SLC30A8: variants seen among roughly 807,000 people sequenced by gnomAD.
SLC30A8 encodes proton-coupled zinc antiporter SLC30A8.
A neutral mutation model predicts 36.9 loss-of-function variants in SLC30A8; 27 were observed. That is an observed-to-expected ratio of 0.73 (90% CI 0.54 to 1.01). The LOEUF (loss-of-function observed/expected upper bound fraction) is 1.01, where lower values mean the gene tolerates loss of function less well. SLC30A8 is among the 50% of genes least tolerant of loss of function. The probability of loss-of-function intolerance (pLI) is 0.00; values close to 1 mark genes in which losing one functional copy is unlikely to be tolerated. For missense variants in SLC30A8, 439 were observed against 452.0 expected (o/e 0.97, Z 0.26); for synonymous variants, 164 against 172.4 (o/e 0.95, Z 0.38).
chr8:116,958,816 C>T (rs72685356), intron 1 of SLC30A8, among the ~76,000 whole-genome samples: 9,878 of 145,802 alleles, frequency 0.068, 653 homozygotes, highest in African/African-American at 0.18. Context: ...TTGAAGTTGT[C>T]CTATAGCCCA....
At chr8:117,043,504 CT>C (rs1398413372) in intron 2 of SLC30A8, among the ~76,000 whole-genome samples, 1 of 152,160 alleles carries the variant, frequency 6.6e-6, no homozygotes, top group Non-Finnish European at 1.5e-5. Context: ...AGAGATACTC[CT>C]GGTTGGGGAG....
At chr8:117,109,121 C>T (rs938439113) in intron 2 of SLC30A8, among the ~76,000 whole-genome samples, 5 of 152,108 alleles carry the variant, frequency 3.3e-5, no homozygotes, top group Admixed American at 6.6e-5. Context: ...ATCATATACC[C>T]GTAACTGGAC....
chr8:117,110,863 C>T (rs777246565), intron 2 of SLC30A8, among the ~76,000 whole-genome samples: 10 of 152,142 alleles, frequency 6.6e-5, no homozygotes, highest in Non-Finnish European at 1.5e-4. Context: ...AAGCCATCCT[C>T]TTTCTTGCTT....
chr8:116,994,446 A>G (rs1030031548), intron 1 of SLC30A8, among the ~76,000 whole-genome samples: 1 of 152,106 alleles, frequency 6.6e-6, no homozygotes, highest in Non-Finnish European at 1.5e-5. Context: ...ACTTGATAGA[A>G]TACCATACAG....
intron 1 of SLC30A8, among the ~76,000 whole-genome samples, chr8:116,982,692 A>T (rs1815313023): frequency 6.6e-6 from 1 of 152,162 alleles, no homozygotes; most frequent in African/African-American, 2.4e-5. Context: ...ATTGAACCAG[A>T]TTACATTGTT....
intron 6 of SLC30A8, among the ~76,000 whole-genome samples, chr8:117,164,625 A>C (rs1188253741): frequency 6.6e-6 from 1 of 152,134 alleles, no homozygotes; most frequent in Admixed American, 6.6e-5. Context: ...ATAATACTTT[A>C]ATAAGAGGAG....
intron 2 of SLC30A8, among the ~76,000 whole-genome samples, chr8:117,058,607 T>C (rs1817940305): frequency 6.6e-6 from 1 of 152,206 alleles, no homozygotes; most frequent in South Asian, 2.1e-4. Context: ...ATTCAGACCA[T>C]GATAACACCA....
chr8:116,979,874 T>C (rs1211380727), intron 1 of SLC30A8, among the ~76,000 whole-genome samples: 4 of 151,994 alleles, frequency 2.6e-5, no homozygotes, highest in African/African-American at 9.7e-5. Context: ...GCAGCAGAAA[T>C]AAAATGAGAA....
intron 2 of SLC30A8, among the ~76,000 whole-genome samples, chr8:117,112,786 G>T (rs955255500): frequency 6.6e-6 from 1 of 152,142 alleles, no homozygotes; most frequent in South Asian, 2.1e-4. Context: ...GAATGCTGGG[G>T]TGTATCCCAA....
chr8:117,091,095 G>A (rs1216244417), intron 2 of SLC30A8, among the ~76,000 whole-genome samples: 1 of 151,798 alleles, frequency 6.6e-6, no homozygotes, highest in Non-Finnish European at 1.5e-5. Flanking sequence ...ACTTAGATTG[G>A]CAGAGCCACT....
intron 3 of SLC30A8, among the ~76,000 whole-genome samples, chr8:117,154,898 A>G (rs997894273): frequency 6.6e-6 from 1 of 152,178 alleles, no homozygotes; most frequent in African/African-American, 2.4e-5. Context: ...TGCGAGGGCA[A>G]TATTCTGTAA....
intron 2 of SLC30A8, among the ~76,000 whole-genome samples, chr8:117,052,311 A>G (rs558833035): frequency 4.1e-4 from 62 of 152,280 alleles, no homozygotes; most frequent in Middle Eastern, 3.4e-3. Context: ...GCGCCCAGCC[A>G]AGCCTTTATT....
chr8:116,952,747 G>A (rs1453609433), intron 1 of SLC30A8, among the ~76,000 whole-genome samples: 3 of 152,080 alleles, frequency 2.0e-5, no homozygotes, highest in Admixed American at 6.5e-5. Flanking sequence ...ATGAGCCACC[G>A]GGCCTGGCCA....
intron 1 of SLC30A8, among the ~76,000 whole-genome samples, chr8:117,014,203 C>T (rs558338497): frequency 5.3e-5 from 8 of 152,216 alleles, no homozygotes; most frequent in South Asian, 4.1e-4. Flanking sequence ...GGTCAGATCC[C>T]GACTCACAAA....
exon 1 of SLC30A8, chr8:116,950,996 T>A (rs889769416): frequency 6.6e-6 from 1 of 152,238 alleles, no homozygotes; most frequent in Non-Finnish European, 1.5e-5. Flanking sequence ...TTTGGAAATA[T>A]CACCCTCATG....
intron 2 of SLC30A8, among the ~76,000 whole-genome samples, chr8:117,050,338 A>C (rs539855210): frequency 6.6e-6 from 1 of 151,956 alleles, no homozygotes; most frequent in Non-Finnish European, 1.5e-5. Flanking sequence ...TAATCATGCA[A>C]ATGAGGGGGA....
chr8:117,135,623 C>T (rs1025001303), intron 1 of SLC30A8, among the ~76,000 whole-genome samples: 19 of 152,014 alleles, frequency 1.2e-4, no homozygotes, highest in African/African-American at 4.6e-4. Context: ...ACACATTTTA[C>T]TGATGTGTTT....
chr8:117,070,353 G>A (rs1467601191), intron 2 of SLC30A8, among the ~76,000 whole-genome samples: 1 of 152,112 alleles, frequency 6.6e-6, no homozygotes, highest in African/African-American at 2.4e-5. Flanking sequence ...CGTTGGTGCT[G>A]ACCACCCACA....
chr8:117,028,012 A>G (rs1172498270), intron 1 of SLC30A8, among the ~76,000 whole-genome samples: 7 of 152,176 alleles, frequency 4.6e-5, no homozygotes, highest in Non-Finnish European at 8.8e-5. Flanking sequence ...TTGGCAGACT[A>G]TATTTCCTCC....
Sources: gnomAD v4.1 joint callset for allele counts (sites outside exome capture counted in the v4.1 genomes callset) on GRCh38, gnomAD v4.1.1 for gene constraint, MANE v1.5 for transcripts, NCBI Gene and HGNC (gene_info 2026-07-23, HGNC 2026-07-21) for gene names.